The following ATP8A2 variants were observed in gnomAD, a reference collection of about 807,000 sequenced individuals.
ATP8A2 encodes phospholipid-transporting ATPase IB.
Under a neutral mutation model 165.6 loss-of-function variants are expected in ATP8A2, and 100 were observed. The ratio of observed to expected loss-of-function variants is 0.60; its 90% CI spans 0.51 to 0.71. The LOEUF (loss-of-function observed/expected upper bound fraction) is 0.71. Ranked by LOEUF, ATP8A2 falls within the 30% of genes least tolerant of loss-of-function variation. ATP8A2 has a pLI of 0.00. For missense variants in ATP8A2, 1,227 were observed against 1,479.5 expected (o/e 0.83, Z 2.80); for synonymous variants, 543 against 548.8 (o/e 0.99, Z 0.15).
At chr13:25,705,265 C>A in intron 25 of ATP8A2, 1 of 334,318 alleles carries the variant, frequency 3.0e-6, no homozygotes, top group Non-Finnish European at 5.8e-6. Context: ...AAGTGACTGT[C>A]TCGTCAGGAA....
At chr13:25,564,548 G>C (rs1182803336) in intron 16 of ATP8A2, among the ~76,000 whole-genome samples, 1 of 152,068 alleles carries the variant, frequency 6.6e-6, no homozygotes, top group Non-Finnish European at 1.5e-5. Context: ...AGATTAAATT[G>C]GCGAGTAGTT....
At chr13:25,780,934 C>T (rs532966132) in intron 27 of ATP8A2, among the ~76,000 whole-genome samples, 1 of 152,194 alleles carries the variant, frequency 6.6e-6, no homozygotes, top group South Asian at 2.1e-4. Flanking sequence ...GTTGGGGATC[C>T]CTGTACTACA....
intron 27 of ATP8A2, among the ~76,000 whole-genome samples, chr13:25,817,789 C>T (rs542133048): frequency 6.6e-6 from 1 of 152,084 alleles, no homozygotes; most frequent in Admixed American, 6.6e-5. Flanking sequence ...GCAACCTTCC[C>T]ACCTCAGGCT....
At chr13:26,009,876 G>T (rs1214956746) in intron 35 of ATP8A2, among the ~76,000 whole-genome samples, 1 of 152,158 alleles carries the variant, frequency 6.6e-6, no homozygotes, top group Non-Finnish European at 1.5e-5. Flanking sequence ...GACCAGTCTG[G>T]CCAACATGGC....
chr13:25,899,599 G>A (rs1301500541), intron 33 of ATP8A2, among the ~76,000 whole-genome samples: 3 of 152,114 alleles, frequency 2.0e-5, no homozygotes, highest in African/African-American at 7.2e-5. Context: ...AGCCGGTGGT[G>A]TCCGCACCAG....
At chr13:25,694,835 C>A (rs2042801945) in intron 24 of ATP8A2, among the ~76,000 whole-genome samples, 1 of 152,034 alleles carries the variant, frequency 6.6e-6, no homozygotes, top group East Asian at 1.9e-4. Context: ...CATGCCTGGC[C>A]AATTATGTGC....
intron 33 of ATP8A2, among the ~76,000 whole-genome samples, chr13:25,920,888 T>A (rs1954430454): frequency 6.6e-6 from 1 of 152,000 alleles, no homozygotes; most frequent in Non-Finnish European, 1.5e-5. Context: ...ACCAGCCTGG[T>A]GAAAACCTGT....
At chr13:25,714,768 C>T (rs1468826693) in intron 25 of ATP8A2, among the ~76,000 whole-genome samples, 3 of 152,180 alleles carry the variant, frequency 2.0e-5, no homozygotes, top group African/African-American at 7.2e-5. Flanking sequence ...TCAGGGTCAA[C>T]TTTTTTCTCC....
At chr13:25,484,261 T>C (rs2036288699) in intron 2 of ATP8A2, among the ~76,000 whole-genome samples, 1 of 152,348 alleles carries the variant, frequency 6.6e-6, no homozygotes, top group Non-Finnish European at 1.5e-5. Context: ...TATGATAGAA[T>C]GGTTAAAACC....
chr13:25,793,728 A>G (rs1373788029), intron 27 of ATP8A2, among the ~76,000 whole-genome samples: 1 of 152,168 alleles, frequency 6.6e-6, no homozygotes, highest in East Asian at 1.9e-4. Context: ...GTTAGCCATT[A>G]ACGAGATAGC....
intron 1 of ATP8A2, among the ~76,000 whole-genome samples, chr13:25,378,244 C>T (rs1277470752): frequency 3.3e-5 from 5 of 152,072 alleles, no homozygotes; most frequent in Admixed American, 6.6e-5. Flanking sequence ...CTTGCTCTGA[C>T]GGTTCATTTC....
intron 1 of ATP8A2, among the ~76,000 whole-genome samples, chr13:25,399,593 G>A (rs1471009056): frequency 7.5e-5 from 9 of 120,644 alleles, no homozygotes; most frequent in Non-Finnish European, 1.4e-4. Context: ...TAGTAGAGAC[G>A]GGGTTTCACC....
In ATP8A2 at chr13:25,551,355, T is replaced by A. The variant is rs2038816690; in HGVS notation, c.909T>A (p.Pro303=). ...TTGTGTAGAATTCAACCAAAGCGCC[T>A]CTCAAGAGATCAAATGTTGAGAAGG... ...TKLMQNSTKA[P]LKRSNVEKVT... Residue 303 remains proline (P), a synonymous_variant, in exon 11 of 37, where the codon CCT becomes CCA. Coordinates refer to ENST00000381655, the MANE Select transcript of ATP8A2 (RefSeq NM_016529.6). The A allele has an allele frequency of 6.2e-7, 1 of 1,613,872 alleles. No homozygotes were observed. The highest frequency in any genetic ancestry group is 1.7e-5 in the Admixed American group (1 of 59,990).
At chr13:25,720,553 G>A (rs149385622) in intron 25 of ATP8A2, among the ~76,000 whole-genome samples, 3 of 152,228 alleles carry the variant, frequency 2.0e-5, no homozygotes, top group East Asian at 1.9e-4. Context: ...TGGGATCTCC[G>A]TGTGAAACTC....
chr13:26,007,251 A>G (rs899702976), intron 35 of ATP8A2, among the ~76,000 whole-genome samples: 5 of 152,198 alleles, frequency 3.3e-5, no homozygotes, highest in African/African-American at 1.2e-4. Flanking sequence ...AATTTTAGTT[A>G]CAACTATTCA....
intron 2 of ATP8A2, among the ~76,000 whole-genome samples, chr13:25,492,155 C>T (rs1429471589): frequency 6.6e-6 from 1 of 152,190 alleles, no homozygotes; most frequent in Non-Finnish European, 1.5e-5. Flanking sequence ...CTCCTGGGTT[C>T]AAGCAATTCT....
intron 1 of ATP8A2, among the ~76,000 whole-genome samples, chr13:25,461,379 G>A (rs905342985): frequency 1.3e-5 from 2 of 152,180 alleles, no homozygotes; most frequent in African/African-American, 4.8e-5. Flanking sequence ...TGGCTGAACT[G>A]CTTTTGATGT....
intron 1 of ATP8A2, among the ~76,000 whole-genome samples, chr13:25,466,273 C>T (rs1283608573): frequency 6.6e-6 from 1 of 152,024 alleles, no homozygotes; most frequent in Non-Finnish European, 1.5e-5. Flanking sequence ...TTTTAGTTGG[C>T]CCTGATACAA....
intron 35 of ATP8A2, among the ~76,000 whole-genome samples, chr13:25,988,725 G>A (rs1956321478): frequency 6.6e-6 from 1 of 152,144 alleles, no homozygotes; most frequent in Non-Finnish European, 1.5e-5. Flanking sequence ...CTCAAGAAAG[G>A]AATAAAGAGC....
Sources: allele counts gnomAD v4.1 joint callset (sites outside exome capture counted in the v4.1 genomes callset), GRCh38; gene constraint gnomAD v4.1.1; transcripts MANE v1.5; gene names NCBI Gene and HGNC (gene_info 2026-07-23, HGNC 2026-07-21).